Variants in COX7A2L observed in about 807,000 individuals in gnomAD.
The protein encoded by COX7A2L is cytochrome c oxidase subunit 7A2 like, also known as cytochrome c oxidase subunit 7A2-like, mitochondrial.
A neutral mutation model predicts 14.2 loss-of-function variants in COX7A2L; 18 were observed. The ratio of observed to expected loss-of-function variants is 1.27; its 90% CI spans 0.88 to 1.88. COX7A2L has a LOEUF of 1.88. Among genes scored for constraint, COX7A2L ranks in the 40% most tolerant of loss-of-function variants. COX7A2L has a pLI of 0.00. For synonymous variants in COX7A2L, 65 were observed against 57.4 expected (o/e 1.13, Z -0.60); for missense variants, 179 against 138.8 (o/e 1.29, Z -1.46).
chr2:42,368,652 A>C (rs1475149179), intron 1 of COX7A2L, among the ~76,000 whole-genome samples: 1 of 152,244 alleles, frequency 6.6e-6, no homozygotes, highest in African/African-American at 2.4e-5. Context: ...AATGGGAATG[A>C]TATCTACTTT....
chr2:42,365,947 G>C (rs977754829), upstream of COX7A2L: 2 of 152,184 alleles, frequency 1.3e-5, no homozygotes, highest in Non-Finnish European at 2.9e-5. Flanking sequence ...ATTGCTGGGA[G>C]AAATGAGCAA....
At position 42,351,092 on chromosome 2, in the gene COX7A2L, A is replaced by T; in HGVS notation, c.*127T>A. On this transcript the variant is annotated 3_prime_UTR_variant, in exon 3 of 3. Transcript: ENST00000234301. ...ATAAACAAACCAAAACATCATCTTC[A>T]TATCTTCCTATTTTTCTTGCAAAAA... is the stretch of plus-strand genomic sequence containing the variant. 9.6e-7 allele frequency: 1 copy of T among 1,045,908 alleles called. No individual in the cohort carries two copies. Among genetic ancestry groups the T allele is most frequent in the Non-Finnish European group, 1.3e-6 (1 of 742,920 alleles). 64.8% of individuals were successfully genotyped at this position (1,045,908 alleles called of 1,614,324 possible).
At chr2:42,363,584 T>C (rs185144792), upstream of COX7A2L, among the ~76,000 whole-genome samples, 18 of 152,312 alleles carry the variant, frequency 1.2e-4, no homozygotes, top group East Asian at 3.9e-4. Context: ...CAGTGGGAGA[T>C]AAAATGTCAG....
chr2:42,351,208 T>C lies in COX7A2L; in HGVS notation c.*11A>G, dbSNP rs760048660. The C allele has an allele frequency of 3.1e-6, 5 of 1,612,284 alleles. No homozygotes were observed. The highest frequency in any genetic ancestry group is 3.3e-5 in the Admixed American group (2 of 59,782). ...TATGCCAAAAAACAAACCAGTCCTCTGCAGCCTAACTCATTTGTTTTTGGG... is the reference window on the plus strand; with the variant it reads ...TATGCCAAAAAACAAACCAGTCCTCCGCAGCCTAACTCATTTGTTTTTGGG... On this transcript the variant is annotated 3_prime_UTR_variant, in exon 3 of 3. Transcript: ENST00000234301.
At chr2:42,335,686 C>T (rs1670255398) in intron 2 of COX7A2L, among the ~76,000 whole-genome samples, 1 of 152,238 alleles carries the variant, frequency 6.6e-6, no homozygotes. Flanking sequence ...AAGCCAGGTA[C>T]TCCCGCCTCC....
At chr2:42,349,139 T>C (rs536612867), downstream of COX7A2L, among the ~76,000 whole-genome samples, 1 of 152,312 alleles carries the variant, frequency 6.6e-6, no homozygotes, top group East Asian at 1.9e-4. Context: ...TGAAAACATA[T>C]GTCCATGTAA....
chr2:42,351,889 G>A lies in COX7A2L; in HGVS notation c.205-530C>T, dbSNP rs371599458. Among the ~76,000 whole-genome samples, 25 of 152,266 alleles carry A rather than the reference G, an allele frequency of 1.6e-4. No homozygotes were observed. The East Asian group carries it at 3.7e-3, about 22-fold the overall frequency. Reference sequence around the variant, plus strand: ...GACTTCCTATTAGGGAAGCTGAGGTGGGAGGATCGCTTGAGCCCAAGAGGT... The same window carrying A: ...GACTTCCTATTAGGGAAGCTGAGGTAGGAGGATCGCTTGAGCCCAAGAGGT... On this transcript the variant is annotated intron_variant, in intron 2 of 2. Coordinates refer to ENST00000234301, the MANE Select transcript of COX7A2L (RefSeq NM_004718.4).
At chr2:42,356,628 C>A (rs1174739421) in intron 1 of COX7A2L, among the ~76,000 whole-genome samples, 2 of 152,176 alleles carry the variant, frequency 1.3e-5, no homozygotes, top group African/African-American at 4.8e-5. Context: ...GAAAGCTGTT[C>A]TTATAAAAAG....
intron 2 of COX7A2L, among the ~76,000 whole-genome samples, chr2:42,340,612 C>A (rs752605448): frequency 1.3e-5 from 2 of 152,126 alleles, no homozygotes; most frequent in Admixed American, 6.6e-5. Flanking sequence ...TCTCCCCGAC[C>A]CCCCAGGCGC....
chr2:42,351,238 G>A lies in COX7A2L; in HGVS notation c.326C>T (p.Ser109Leu), dbSNP rs759362219. 1.7e-5 allele frequency: 27 copies of A among 1,613,388 alleles called. 1 individual carries two copies. The East Asian group carries it at 2.9e-4, about 17-fold the overall frequency. Reference protein sequence around the residue: ...IYCLIALYMASQPKNK With the variant: ...IYCLIALYMALQPKNK The stretch of plus-strand genomic sequence containing the variant: ...CCTAACTCATTTGTTTTTGGGCTGC[G>A]AAGCCATGTAGAGGGCGATCAGGCA... The change falls in exon 3 of 3, where the codon TCG (serine) becomes TTG (leucine). Residue 109 changes from serine (S) to leucine (L), a missense_variant. Physicochemically the swap from Ser to Leu is moderately radical, Grantham distance 145 (BLOSUM62 -2). Coordinates refer to ENST00000234301, the MANE Select transcript of COX7A2L (RefSeq NM_004718.4).
At chr2:42,366,468 G>A (rs1029865037) in intron 1 of COX7A2L, among the ~76,000 whole-genome samples, 1 of 152,162 alleles carries the variant, frequency 6.6e-6, no homozygotes, top group Non-Finnish European at 1.5e-5. Flanking sequence ...TTGAAGGTCA[G>A]GATGTCCAGA....
chr2:42,353,282 A>C lies in COX7A2L; in HGVS notation c.134T>G (p.Leu45Arg), dbSNP rs138829184. Reference protein sequence around the residue: ...PPIIFATPTKLTSDSTVYDYA... With the variant: ...PPIIFATPTKRTSDSTVYDYA... ...ATCATACACTGTGGAATCGGAGGTC[A>C]GTTTAGTTGGTGTGGCAAATATGAT... Residue 45 changes from leucine to arginine, a missense_variant, in exon 2 of 3, where the codon CTG (leucine) becomes CGG (arginine). Coordinates refer to ENST00000234301, the MANE Select transcript of COX7A2L (RefSeq NM_004718.4). 2.1e-5 allele frequency: 34 copies of C among 1,614,058 alleles called. 1 individual carries two copies. In the African/African-American group the frequency reaches 4.4e-4, roughly 21 times the overall value.
downstream of COX7A2L, among the ~76,000 whole-genome samples, chr2:42,345,703 G>A (rs1670482199): frequency 1.3e-5 from 2 of 152,202 alleles, no homozygotes; most frequent in African/African-American, 4.8e-5. Context: ...GTATAATGGA[G>A]GATGACTTAA....
At chr2:42,361,230 C>G (rs1427365790), upstream of COX7A2L, 6 of 1,444,512 alleles carry the variant, frequency 4.2e-6, no homozygotes, top group Admixed American at 2.1e-5. Context: ...CCCGCCTCCC[C>G]GGCTGTGGTC....
At chr2:42,346,731 G>C (rs1023390161), downstream of COX7A2L, among the ~76,000 whole-genome samples, 1 of 151,620 alleles carries the variant, frequency 6.6e-6, no homozygotes, top group African/African-American at 2.4e-5. Flanking sequence ...CTGCACTCCA[G>C]TCTGGGCGAC....
upstream of COX7A2L, among the ~76,000 whole-genome samples, chr2:42,364,547 A>C (rs1276680500): frequency 6.6e-6 from 1 of 152,100 alleles, no homozygotes; most frequent in Non-Finnish European, 1.5e-5. Flanking sequence ...GGAGTGCTAA[A>C]CTCACTTTAT....
At chr2:42,368,644 T>C (rs1572807690) in intron 1 of COX7A2L, among the ~76,000 whole-genome samples, 1 of 152,232 alleles carries the variant, frequency 6.6e-6, no homozygotes, top group Non-Finnish European at 1.5e-5. Context: ...ATCTATAAAA[T>C]GGGAATGATA....
At chr2:42,335,681 A>T (rs10194796) in intron 2 of COX7A2L, among the ~76,000 whole-genome samples, 1 of 152,110 alleles carries the variant, frequency 6.6e-6, no homozygotes, top group Non-Finnish European at 1.5e-5. Context: ...AGTTGAAGCC[A>T]GGTACTCCCG....
rs1255821439 is a variant in COX7A2L, at chr2:42,351,064, T to G, written c.*155A>C. 8.5e-6 allele frequency: 7 copies of G among 825,486 alleles called. No homozygotes were observed. Among genetic ancestry groups the G allele is most frequent in the East Asian group, 2.8e-5 (1 of 35,966 alleles). 51.1% of individuals were successfully genotyped at this position (825,486 alleles called of 1,614,324 possible). On this transcript the variant is annotated 3_prime_UTR_variant, in exon 3 of 3. Coordinates refer to ENST00000234301, the MANE Select transcript of COX7A2L (RefSeq NM_004718.4). ...ATGAGCTCTGACAAGCCATATGCAT[T>G]TCATAAACAAACCAAAACATCATCT...
Sources: gnomAD v4.1 joint callset for allele counts (sites outside exome capture counted in the v4.1 genomes callset) on GRCh38, gnomAD v4.1.1 for gene constraint, MANE v1.5 for transcripts, NCBI Gene and HGNC (gene_info 2026-07-23, HGNC 2026-07-21) for gene names.